Variants in MINDY2 observed in about 807,000 individuals in gnomAD.
MINDY2 encodes the protein ubiquitin carboxyl-terminal hydrolase MINDY-2.
MINDY2 carries 52 observed loss-of-function variants against 68.2 expected under a neutral mutation model. The ratio of observed to expected loss-of-function variants is 0.76; its 90% CI spans 0.61 to 0.96. The LOEUF is 0.96. Ranked by LOEUF, MINDY2 falls within the 40% of genes least tolerant of loss-of-function variation. The probability of loss-of-function intolerance (pLI) is 0.00; values close to 1 mark genes in which losing one functional copy is unlikely to be tolerated. For missense variants in MINDY2, 881 were observed against 773.4 expected (o/e 1.14, Z -1.65); for synonymous variants, 372 against 303.0 (o/e 1.23, Z -2.36).
chr15:58,850,819 T>C (rs1395398379), intron 7 of MINDY2, among the ~76,000 whole-genome samples: 3 of 152,174 alleles, frequency 2.0e-5, no homozygotes, highest in African/African-American at 7.2e-5. Context: ...ACTCCTGGGC[T>C]CAAGCAGCCT....
chr15:58,850,188 C>G (rs1385834091), intron 7 of MINDY2, among the ~76,000 whole-genome samples: 1 of 152,196 alleles, frequency 6.6e-6, no homozygotes, highest in Non-Finnish European at 1.5e-5. Flanking sequence ...CCAAAATGCA[C>G]TGTTTCTGAT....
At chr15:58,799,742 A>G (rs1476517509) in intron 2 of MINDY2, among the ~76,000 whole-genome samples, 1 of 152,230 alleles carries the variant, frequency 6.6e-6, no homozygotes, top group Non-Finnish European at 1.5e-5. Context: ...TCACTAGAAT[A>G]TGAGAGCAGA....
chr15:58,784,223 G>A (rs1186557231), intron 1 of MINDY2, among the ~76,000 whole-genome samples: 1 of 152,020 alleles, frequency 6.6e-6, no homozygotes. Context: ...CTACTTGGGA[G>A]GCTCAGGTGG....
chr15:58,784,763 G>A (rs1233308749), intron 1 of MINDY2, among the ~76,000 whole-genome samples: 2 of 151,662 alleles, frequency 1.3e-5, no homozygotes, highest in Admixed American at 1.3e-4. Context: ...GGAACTACAG[G>A]CACGTGCCAC....
chr15:58,785,044 A>C (rs547283514), intron 1 of MINDY2, among the ~76,000 whole-genome samples: 22 of 152,040 alleles, frequency 1.4e-4, no homozygotes, highest in Admixed American at 9.9e-4. Context: ...CTCCTTTGAA[A>C]AAATCTAAAA....
intron 1 of MINDY2, among the ~76,000 whole-genome samples, chr15:58,779,350 C>A (rs1792478140): frequency 6.6e-6 from 1 of 152,318 alleles, no homozygotes; most frequent in Non-Finnish European, 1.5e-5. Flanking sequence ...TGAAGGTGAG[C>A]CTCTTGCCAG....
rs1482475002 is a variant in MINDY2, at chr15:58,807,108, G to A, written c.964-3122G>A. Among the ~76,000 whole-genome samples, 6 of 151,972 alleles carry A rather than the reference G, an allele frequency of 3.9e-5. No individual in the cohort carries two copies. The East Asian group carries it at 5.8e-4, about 15-fold the overall frequency. ...CTTTTTCAAATTTCAAAGAGAATCC[G>A]TAGTTTTAATGTAAGATTTCCTTCA... On this transcript the variant is annotated intron_variant, in intron 3 of 8. Coordinates refer to ENST00000559228, the MANE Select transcript of MINDY2 (RefSeq NM_001040450.3).
chr15:58,831,218 A>G (rs2031712912), intron 5 of MINDY2, among the ~76,000 whole-genome samples: 1 of 152,018 alleles, frequency 6.6e-6, no homozygotes, highest in South Asian at 2.1e-4. Flanking sequence ...AAATGGCATC[A>G]TTTATCCCAC....
intron 2 of MINDY2, among the ~76,000 whole-genome samples, chr15:58,790,893 G>A (rs1389280647): frequency 6.6e-6 from 1 of 151,882 alleles, no homozygotes; most frequent in Non-Finnish European, 1.5e-5. Context: ...AAAATGGAGC[G>A]ATCAGGCTGG....
chr15:58,786,693 G>C (rs1176851225), intron 1 of MINDY2, among the ~76,000 whole-genome samples: 3 of 152,172 alleles, frequency 2.0e-5, no homozygotes. Flanking sequence ...TACTATTGCA[G>C]GTCAAGAAGG....
chr15:58,841,457 G>C (rs754654398), intron 6 of MINDY2, among the ~76,000 whole-genome samples: 4 of 148,200 alleles, frequency 2.7e-5, no homozygotes, highest in Non-Finnish European at 5.9e-5. Flanking sequence ...CCTTCCTGGA[G>C]TGCAATGGTG....
intron 3 of MINDY2, among the ~76,000 whole-genome samples, chr15:58,806,866 AG>A (rs1219715315): frequency 2.0e-5 from 3 of 152,216 alleles, no homozygotes; most frequent in Non-Finnish European, 2.9e-5. Context: ...ATTTTTGGGA[AG>A]GTTGAGAAAA....
chr15:58,854,819 T>G lies in MINDY2; in HGVS notation c.*209T>G, dbSNP rs1355296288. ...ATGAGCTGGAGTTTCATGTTACAAG[T>G]TGGAAATGCTGTGTGTTGACATTCA... On this transcript the variant is annotated 3_prime_UTR_variant, in exon 9 of 9. Coordinates refer to ENST00000559228, the MANE Select transcript of MINDY2 (RefSeq NM_001040450.3). 7.2e-6 allele frequency: 3 copies of G among 416,304 alleles called. No individual in the cohort carries two copies. Among genetic ancestry groups the G allele is most frequent in the Non-Finnish European group, 1.3e-5 (3 of 239,410 alleles). 25.8% of individuals were successfully genotyped at this position (416,304 alleles called of 1,614,324 possible). A position where few individuals can be genotyped will look rare whatever the true frequency, so the allele number is the denominator to read the frequency against.
intron 2 of MINDY2, among the ~76,000 whole-genome samples, chr15:58,800,395 A>G (rs1177890186): frequency 6.6e-6 from 1 of 152,086 alleles, no homozygotes; most frequent in Non-Finnish European, 1.5e-5. Context: ...CCTCTACTTA[A>G]AAGTATAAAG....
At chr15:58,803,945 G>GAAAAAAA (rs34082956) in intron 3 of MINDY2, among the ~76,000 whole-genome samples, 8 of 77,224 alleles carry the variant, frequency 1.0e-4, no homozygotes, top group African/African-American at 2.5e-4. Flanking sequence ...CAGCTCTACT[G>GAAAAAAA]AAAAAAAAAA....
intron 3 of MINDY2, among the ~76,000 whole-genome samples, chr15:58,807,866 G>T (rs1208188452): frequency 6.6e-6 from 1 of 152,010 alleles, no homozygotes; most frequent in Non-Finnish European, 1.5e-5. Flanking sequence ...TAATAAACTC[G>T]TTTTTGCACT....
intron 3 of MINDY2, among the ~76,000 whole-genome samples, chr15:58,805,866 G>A (rs1902971827): frequency 6.6e-6 from 1 of 152,108 alleles, no homozygotes; most frequent in Non-Finnish European, 1.5e-5. Flanking sequence ...ACAAGGTCTG[G>A]AGATCGAGAC....
At chr15:58,814,794 CTT>C (rs34747262) in intron 4 of MINDY2, among the ~76,000 whole-genome samples, 2 of 129,844 alleles carry the variant, frequency 1.5e-5, no homozygotes, top group Admixed American at 8.0e-5. Flanking sequence ...TTAATTTTAA[CTT>C]TTTTTTTTTT....
At position 58,831,623 on chromosome 15, in the gene MINDY2, A is replaced by G. The variant is rs1197745968; in HGVS notation, c.1226-151A>G. The G allele has an allele frequency of 1.2e-5, 7 of 581,316 alleles. No individual in the cohort carries two copies. In the East Asian group the frequency reaches 1.5e-4, roughly 13 times the overall value. 36.0% of individuals were successfully genotyped at this position (581,316 alleles called of 1,614,324 possible). On this transcript the variant is annotated intron_variant, in intron 5 of 8. Transcript: ENST00000559228. Reference sequence around the variant, plus strand: ...ATTTCATTGCAAAATTAAAAACACAAATGTCCAGTTTGGAGCCATCATAAA... The same window carrying G: ...ATTTCATTGCAAAATTAAAAACACAGATGTCCAGTTTGGAGCCATCATAAA...
Sources: allele counts gnomAD v4.1 joint callset (sites outside exome capture counted in the v4.1 genomes callset), GRCh38; gene constraint gnomAD v4.1.1; transcripts MANE v1.5; gene names NCBI Gene and HGNC (gene_info 2026-07-23, HGNC 2026-07-21).